RNF38: variants seen among roughly 807,000 people sequenced by gnomAD.
RNF38 encodes ring finger protein 38.
RNF38 carries 15 observed loss-of-function variants against 67.2 expected under a neutral mutation model. That is an observed-to-expected ratio of 0.22 (90% CI 0.15 to 0.34). RNF38 has a LOEUF of 0.34. Ranked by LOEUF, RNF38 falls within the 10% of genes least tolerant of loss-of-function variation. RNF38 has a pLI of 1.00. For missense variants in RNF38, 524 were observed against 639.9 expected (o/e 0.82, Z 1.95); for synonymous variants, 220 against 218.8 (o/e 1.01, Z -0.05).
At chr9:36,448,058 C>A (rs1839349686) in intron 1 of RNF38, among the ~76,000 whole-genome samples, 1 of 152,166 alleles carries the variant, frequency 6.6e-6, no homozygotes, top group Non-Finnish European at 1.5e-5. Context: ...ATCACATCTA[C>A]AATTTTACAC....
At chr9:36,452,034 T>G (rs1341420223) in intron 1 of RNF38, among the ~76,000 whole-genome samples, 1 of 151,876 alleles carries the variant, frequency 6.6e-6, no homozygotes, top group East Asian at 1.9e-4. Context: ...CTGGGCCACA[T>G]AGTGAGATCC....
At chr9:36,476,477 G>A (rs1287120218) in intron 1 of RNF38, among the ~76,000 whole-genome samples, 1 of 150,836 alleles carries the variant, frequency 6.6e-6, no homozygotes, top group African/African-American at 2.4e-5. Flanking sequence ...CCTTTTCAAA[G>A]GATTATTTGG....
At chr9:36,388,809 G>C (rs1267948429) in intron 2 of RNF38, among the ~76,000 whole-genome samples, 1 of 152,150 alleles carries the variant, frequency 6.6e-6, no homozygotes, top group African/African-American at 2.4e-5. Flanking sequence ...AATTGGGAGA[G>C]AAGGTACTTG....
intron 2 of RNF38, among the ~76,000 whole-genome samples, chr9:36,416,775 C>T (rs1447803352): frequency 1.5e-5 from 1 of 66,856 alleles, no homozygotes; most frequent in Non-Finnish European, 2.7e-5. Context: ...TTTTTTGAGA[C>T]AGAGTCACAT....
At chr9:36,450,553 A>G (rs778156421) in intron 1 of RNF38, among the ~76,000 whole-genome samples, 7 of 152,210 alleles carry the variant, frequency 4.6e-5, no homozygotes, top group Non-Finnish European at 8.8e-5. Context: ...AAACCAAATA[A>G]AAGCTCAAAA....
rs539884085 is a variant in RNF38 at position 36,394,343 on chromosome 9, A to C, written c.13-3727T>G. The stretch of plus-strand genomic sequence containing the variant: ...CCCTGGGGGCCCAGCAGCTAACCCC[A>C]TACCAGGACTCCTGATTCATGGAAA... On this transcript the variant is annotated intron_variant, in intron 1 of 11. Transcript: ENST00000259605. 3.9e-5 allele frequency among the ~76,000 whole-genome samples: 6 copies of C among 152,324 alleles called. No homozygotes were observed. In the South Asian group the frequency reaches 1.2e-3, roughly 32 times the overall value.
At chr9:36,385,456 G>A (rs1052252275) in intron 2 of RNF38, among the ~76,000 whole-genome samples, 2 of 150,990 alleles carry the variant, frequency 1.3e-5, no homozygotes, top group East Asian at 2.0e-4. Flanking sequence ...TCGGCTCACA[G>A]TAACCTCCGC....
intron 1 of RNF38, chr9:36,487,176 G>T: frequency 1.8e-6 from 1 of 565,452 alleles, no homozygotes; most frequent in Non-Finnish European, 2.2e-6. Flanking sequence ...GGGCTCCGGG[G>T]CCGGACAAAG....
intron 1 of RNF38, among the ~76,000 whole-genome samples, chr9:36,457,668 G>A (rs974049611): frequency 5.9e-5 from 9 of 152,140 alleles, no homozygotes; most frequent in African/African-American, 1.9e-4. Flanking sequence ...AGCACTTTTG[G>A]AGACTGAGGC....
intron 2 of RNF38, among the ~76,000 whole-genome samples, chr9:36,424,255 A>G (rs952193814): frequency 1.3e-5 from 2 of 152,228 alleles, no homozygotes; most frequent in African/African-American, 4.8e-5. Context: ...TGTAATGTCC[A>G]GGATATTTCC....
chr9:36,374,749 T>G (rs747388726), intron 3 of RNF38, among the ~76,000 whole-genome samples: 8 of 152,196 alleles, frequency 5.3e-5, no homozygotes, highest in Non-Finnish European at 7.4e-5. Flanking sequence ...CCCAAAGTAC[T>G]GGGATAACAG....
intron 2 of RNF38, among the ~76,000 whole-genome samples, chr9:36,382,847 C>T (rs558191088): frequency 1.3e-5 from 2 of 152,316 alleles, no homozygotes; most frequent in African/African-American, 4.8e-5. Context: ...CCCAGACTTT[C>T]TCTACTTGCC....
At chr9:36,367,982 G>A (rs1054663985) in intron 4 of RNF38, among the ~76,000 whole-genome samples, 3 of 152,158 alleles carry the variant, frequency 2.0e-5, no homozygotes, top group Non-Finnish European at 4.4e-5. Context: ...CTCCCTAGTA[G>A]CTGGGATTAC....
intron 2 of RNF38, among the ~76,000 whole-genome samples, chr9:36,376,773 A>G (rs1336992433): frequency 1.3e-5 from 2 of 152,072 alleles, no homozygotes; most frequent in African/African-American, 4.8e-5. Flanking sequence ...TAAAAACACA[A>G]AAATTAGCTG....
At chr9:36,400,869 C>A, upstream of RNF38, 1 of 985,048 alleles carries the variant, frequency 1.0e-6, no homozygotes, top group Non-Finnish European at 1.2e-6. Flanking sequence ...CCCGCAACAC[C>A]GCACTAGGGG....
chr9:36,439,943 T>C (rs1475519354), intron 1 of RNF38, among the ~76,000 whole-genome samples: 1 of 152,128 alleles, frequency 6.6e-6, no homozygotes, highest in African/African-American at 2.4e-5. Context: ...TTATACAGCC[T>C]GCCTTAAAGT....
At chr9:36,417,074 T>C (rs917709846) in intron 2 of RNF38, among the ~76,000 whole-genome samples, 1 of 152,080 alleles carries the variant, frequency 6.6e-6, no homozygotes, top group African/African-American at 2.4e-5. Context: ...GCATCAACTT[T>C]TATATTTCAT....
intron 1 of RNF38, among the ~76,000 whole-genome samples, chr9:36,460,828 A>G (rs866901559): frequency 2.0e-5 from 3 of 148,240 alleles, no homozygotes; most frequent in South Asian, 4.3e-4. Flanking sequence ...TGAAGGTTGC[A>G]GCGAGCCGAG....
chr9:36,442,253 C>T (rs986657592), intron 1 of RNF38, among the ~76,000 whole-genome samples: 15 of 152,200 alleles, frequency 9.9e-5, no homozygotes, highest in Admixed American at 8.5e-4. Context: ...TACCTCAATT[C>T]TGCCATCCCT....
Sources: gnomAD v4.1 joint callset for allele counts (sites outside exome capture counted in the v4.1 genomes callset) on GRCh38, gnomAD v4.1.1 for gene constraint, MANE v1.5 for transcripts, NCBI Gene and HGNC (gene_info 2026-07-23, HGNC 2026-07-21) for gene names.